The following FAM120B variants were observed in gnomAD, a reference collection of about 807,000 sequenced individuals.
FAM120B encodes the protein family with sequence similarity 120 member B.
FAM120B carries 83 observed loss-of-function variants against 96.3 expected under a neutral mutation model. That is an observed-to-expected ratio of 0.86 (90% CI 0.72 to 1.03). The LOEUF (loss-of-function observed/expected upper bound fraction) is 1.03, where lower values mean the gene tolerates loss of function less well. Among genes scored for constraint, FAM120B ranks in the 50% least tolerant of loss-of-function variants. The probability of loss-of-function intolerance (pLI) is 0.00; values close to 1 mark genes in which losing one functional copy is unlikely to be tolerated. For missense variants in FAM120B, 1,027 were observed against 1,121.2 expected (o/e 0.92, Z 1.20); for synonymous variants, 407 against 402.7 (o/e 1.01, Z -0.13).
chr6:170,388,359 G>A lies in FAM120B; in HGVS notation c.2356G>A (p.Val786Ile), dbSNP rs765956870. ...LVRGLTTLVL[V>I]NSACGFPWKT... ...CCGCGGCCTCACCACTCTGGTTTTA[G>A]TCAACAGCGCATGTGGCTTCCCCTG... The change falls in exon 7 of 11, where the codon GTC becomes ATC. Residue 786 changes from valine (V) to isoleucine (I), a missense_variant. This residue lies in a region of FAM120B where 880 missense variants were observed against 980.9 expected (regional missense o/e 0.90). Coordinates refer to ENST00000476287, the MANE Select transcript of FAM120B (RefSeq NM_032448.3). 1.9e-6 allele frequency: 3 copies of A among 1,614,166 alleles called. No homozygotes were observed. The highest frequency in any genetic ancestry group is 2.2e-5 in the South Asian group (2 of 91,076).
intron 1 of FAM120B, among the ~76,000 whole-genome samples, chr6:170,308,805 G>A (rs893263198): frequency 1.3e-5 from 2 of 151,970 alleles, no homozygotes; most frequent in Non-Finnish European, 2.9e-5. Context: ...TCCTCTTCTG[G>A]TGTGTGCTTT....
At chr6:170,292,915 C>T (rs188433552), upstream of FAM120B, among the ~76,000 whole-genome samples, 13 of 152,284 alleles carry the variant, frequency 8.5e-5, no homozygotes, top group Admixed American at 7.2e-4. The surrounding 1 kb of genome is among the most constrained non-coding windows in gnomAD (Gnocchi z 6.6). Flanking sequence ...GTGAGAAAGG[C>T]AGGCTGGGAT....
At chr6:170,331,889 G>C (rs1786070483) in intron 4 of FAM120B, among the ~76,000 whole-genome samples, 1 of 152,202 alleles carries the variant, frequency 6.6e-6, no homozygotes, top group Admixed American at 6.5e-5. Context: ...TCTTCTGGAA[G>C]GAGCTCCGGA....
At chr6:170,372,447 G>T (rs905560843) in intron 6 of FAM120B, among the ~76,000 whole-genome samples, 142 of 152,024 alleles carry the variant, frequency 9.3e-4, no homozygotes, top group Non-Finnish European at 2.4e-4. Context: ...ATTCAGCCTT[G>T]CCTGGCTGTG....
rs1443862685 is a variant in FAM120B at position 170,404,778 on chromosome 6, A to C, written c.*27A>C. On this transcript the variant is annotated 3_prime_UTR_variant, in exon 11 of 11. Transcript: ENST00000476287. ...CTTCCTCCAGAAAGAGTATGGAGAG[A>C]AAAAGAGGCACACCTGGACGCAGAG... 3.3e-6 allele frequency: 2 copies of C among 605,552 alleles called. No individual in the cohort carries two copies. Among genetic ancestry groups the C allele is most frequent in the East Asian group, 5.6e-5 (2 of 35,776 alleles). 37.5% of individuals were successfully genotyped at this position (605,552 alleles called of 1,614,324 possible).
chr6:170,290,901 G>T, upstream of FAM120B: 1 of 694,126 alleles, frequency 1.4e-6, no homozygotes, highest in South Asian at 1.5e-5. This position sits in a 1 kb window ranked among gnomAD's most constrained non-coding sequence, Gnocchi z 4.7. Flanking sequence ...GGCCGGGTCG[G>T]GTCTCCGCGG....
chr6:170,388,916 G>A (rs1041139266), intron 7 of FAM120B, among the ~76,000 whole-genome samples: 2 of 152,138 alleles, frequency 1.3e-5, no homozygotes, highest in African/African-American at 2.4e-5. Flanking sequence ...CACATCATTT[G>A]TATTATATAT....
rs539581377 is a variant in FAM120B, at chr6:170,348,870, C to T, written c.2190+547C>T. ...TAGCTGCCTCCTAGGGCTGTTGGGG[C>T]GATTTCAGGTGTCATAACCTTCATT... On this transcript the variant is annotated intron_variant, in intron 5 of 10. Transcript: ENST00000476287. Among the ~76,000 whole-genome samples the T allele has an allele frequency of 5.5e-4, 83 of 152,220 alleles. 1 individual carries two copies. In the South Asian group the frequency reaches 0.016, roughly 29 times the overall value.
chr6:170,357,161 C>T (rs150324789), intron 5 of FAM120B, among the ~76,000 whole-genome samples: 97 of 152,254 alleles, frequency 6.4e-4, no homozygotes, highest in African/African-American at 2.0e-3. Context: ...TCTTTTTCCG[C>T]GAGCCTTTAC....
intron 6 of FAM120B, among the ~76,000 whole-genome samples, chr6:170,379,089 C>T (rs1160147716): frequency 6.6e-6 from 1 of 152,130 alleles, no homozygotes; most frequent in African/African-American, 2.4e-5. Context: ...ATGACATGAC[C>T]CAACTCACCT....
chr6:170,297,648 C>T (rs544367244), intron 1 of FAM120B, among the ~76,000 whole-genome samples: 3 of 149,436 alleles, frequency 2.0e-5, no homozygotes, highest in Non-Finnish European at 3.0e-5. Flanking sequence ...GTTATTGCAA[C>T]CTCTAATGTT....
At chr6:170,297,939 C>T (rs768274080) in intron 1 of FAM120B, 11 of 152,322 alleles carry the variant, frequency 7.2e-5, no homozygotes, top group African/African-American at 2.6e-4. Flanking sequence ...CAATAGGCCA[C>T]ACAGCCAAAA....
rs184152829 is a variant in FAM120B, at chr6:170,332,368, G to T, written c.2017+1818G>T. Among the ~76,000 whole-genome samples the T allele has an allele frequency of 1.3e-3, 205 of 152,308 alleles. 1 individual carries two copies. Among genetic ancestry groups the T allele is most frequent in the African/African-American group, 4.6e-3 (193 of 41,570 alleles). Reference sequence around the variant, plus strand: ...TGGAAAACAGAACATCCAATTGCCTGTCAAGTATTCACATGAATACAACAT... The same window carrying T: ...TGGAAAACAGAACATCCAATTGCCTTTCAAGTATTCACATGAATACAACAT... On this transcript the variant is annotated intron_variant, in intron 4 of 10. Transcript: ENST00000476287.
chr6:170,295,225 A>G, upstream of FAM120B: 3 of 545,804 alleles, frequency 5.5e-6, no homozygotes, highest in Non-Finnish European at 9.8e-6. This position sits in a 1 kb window ranked among gnomAD's most constrained non-coding sequence, Gnocchi z 7.8. Flanking sequence ...GTCTTTGGAC[A>G]CGTGAACATA....
At chr6:170,292,857 T>C (rs138485443), upstream of FAM120B, among the ~76,000 whole-genome samples, 74 of 152,342 alleles carry the variant, frequency 4.9e-4, no homozygotes, top group Non-Finnish European at 2.9e-5. This position sits in a 1 kb window ranked among gnomAD's most constrained non-coding sequence, Gnocchi z 6.6. Flanking sequence ...CCTCATGGAA[T>C]AGCGAAGAGT....
chr6:170,292,843 G>C (rs1783917383), upstream of FAM120B, among the ~76,000 whole-genome samples: 1 of 152,196 alleles, frequency 6.6e-6, no homozygotes, highest in Admixed American at 6.5e-5. This position sits in a 1 kb window ranked among gnomAD's most constrained non-coding sequence, Gnocchi z 6.6. Context: ...GTTTTCCACT[G>C]TTGCCTCATG....
chr6:170,291,084 G>A, upstream of FAM120B: 1 of 701,030 alleles, frequency 1.4e-6, no homozygotes, highest in Non-Finnish European at 2.6e-6. Context: ...TCAGTGAGCT[G>A]TAAAATGTGC....
At chr6:170,391,687 A>G (rs7763277) in intron 8 of FAM120B, among the ~76,000 whole-genome samples, 133,475 of 152,262 alleles carry the variant, frequency 0.88, 58,670 homozygotes, top group East Asian at 0.94. Context: ...AAAGTGGAAC[A>G]GCTGCTTAGG....
In FAM120B at chr6:170,333,714, G is replaced by A. The variant is rs553925381; in HGVS notation, c.2017+3164G>A. Among the ~76,000 whole-genome samples the A allele has an allele frequency of 4.6e-5, 7 of 152,150 alleles. No homozygotes were observed. The East Asian group carries it at 1.4e-3, about 29-fold the overall frequency. On this transcript the variant is annotated intron_variant, in intron 4 of 10. Transcript: ENST00000476287. The stretch of plus-strand genomic sequence containing the variant: ...TTGGCCAGGCTGGTCTCAAACTCCT[G>A]GCCGCAAATGATCCTTCCGCTTCTG...
Sources: gnomAD v4.1 joint callset for allele counts (sites outside exome capture counted in the v4.1 genomes callset) on GRCh38, gnomAD v4.1.1 for gene constraint, gnomAD v4.1.1 regional missense constraint, Gnocchi (gnomAD v3.1) non-coding constraint, MANE v1.5 for transcripts, NCBI Gene and HGNC (gene_info 2026-07-23, HGNC 2026-07-21) for gene names.